Variants in TBC1D15 observed in about 807,000 individuals in gnomAD.
The protein encoded by TBC1D15 is TBC1 domain family member 15, also known as GAP for RAB7.
In TBC1D15, 39 loss-of-function variants were observed where a neutral mutation model predicts 95.4. That is an observed-to-expected ratio of 0.41 (90% CI 0.32 to 0.53). The LOEUF is 0.53. Among genes scored for constraint, TBC1D15 ranks in the 20% least tolerant of loss-of-function variants. The pLI, the probability that TBC1D15 is intolerant of heterozygous loss-of-function variation, is 0.29. For missense variants in TBC1D15, 733 were observed against 794.3 expected, an observed-to-expected ratio of 0.92 and a Z score of 0.93; for synonymous variants, 258 against 261.3, an observed-to-expected ratio of 0.99 and a Z score of 0.12.
In TBC1D15 at chr12:71,859,820, A is replaced by G. The variant is rs1276718423; in HGVS notation, c.31-12250A>G. The stretch of plus-strand genomic sequence containing the variant: ...GAGATGGGGTTTCACCATGTTGGCC[A>G]GGCTGGTCTTGAACTCCCAGCCTCA... On this transcript the variant is annotated intron_variant, in intron 1 of 16. Coordinates refer to ENST00000485960, the MANE Select transcript of TBC1D15 (RefSeq NM_001146213.3). Among the ~76,000 whole-genome samples the G allele has an allele frequency of 3.3e-5, 5 of 152,140 alleles. 1 individual carries two copies. Among genetic ancestry groups the G allele is most frequent in the Admixed American group, 1.3e-4 (2 of 15,266 alleles).
chr12:71,869,248 T>A (rs1474765747), intron 1 of TBC1D15, among the ~76,000 whole-genome samples: 1 of 151,866 alleles, frequency 6.6e-6, no homozygotes, highest in Non-Finnish European at 1.5e-5. Flanking sequence ...CAGGGCTGGG[T>A]GCTGTGGCTC....
intron 1 of TBC1D15, among the ~76,000 whole-genome samples, chr12:71,841,628 A>C (rs1885034832): frequency 6.6e-6 from 1 of 152,180 alleles, no homozygotes; most frequent in South Asian, 2.1e-4. Flanking sequence ...TTTTACCTTA[A>C]GAGGTTTCTT....
chr12:71,884,698 C>A, intron 4 of TBC1D15, 113 bp from the exon 5 acceptor site: 1 of 829,102 alleles, frequency 1.2e-6, no homozygotes, highest in Non-Finnish European at 2.0e-6. Flanking sequence ...AATATAAGTG[C>A]TATACTGATT....
At chr12:71,861,061 G>T (rs1890262665) in intron 1 of TBC1D15, among the ~76,000 whole-genome samples, 1 of 152,130 alleles carries the variant, frequency 6.6e-6, no homozygotes, top group African/African-American at 2.4e-5. Context: ...AATTGTGTTT[G>T]ATCATGGTCA....
intron 1 of TBC1D15, among the ~76,000 whole-genome samples, chr12:71,851,903 G>A: frequency 6.6e-6 from 1 of 152,096 alleles, no homozygotes; most frequent in East Asian, 1.9e-4. Flanking sequence ...TATCATTCTG[G>A]GGCCTGAAGG....
chr12:71,841,573 A>T (rs1339650222), intron 1 of TBC1D15, among the ~76,000 whole-genome samples: 1 of 152,186 alleles, frequency 6.6e-6, no homozygotes, highest in Non-Finnish European at 1.5e-5. Context: ...ACTTGGAGGC[A>T]TTCATTCCTA....
intron 1 of TBC1D15, among the ~76,000 whole-genome samples, chr12:71,866,925 T>C (rs540238335): frequency 5.6e-4 from 85 of 152,318 alleles, no homozygotes; most frequent in African/African-American, 1.9e-3. Flanking sequence ...TATTTGAGAG[T>C]TGTGATTTTT....
At chr12:71,853,946 C>G (rs773917015) in intron 1 of TBC1D15, among the ~76,000 whole-genome samples, 1 of 152,202 alleles carries the variant, frequency 6.6e-6, no homozygotes, top group African/African-American at 2.4e-5. Flanking sequence ...GACAAACATG[C>G]ACTGTTCCAT....
Position 71,916,423 on chromosome 12 carries a change from A to G in TBC1D15, c.1402-1275A>G, listed in dbSNP as rs182559096. ...TCAGAGTTGATTCTGCCCCTTCTCTATAGATCTCTCTGGTAAATGTGGAGG... is the reference window on the plus strand; with the variant it reads ...TCAGAGTTGATTCTGCCCCTTCTCTGTAGATCTCTCTGGTAAATGTGGAGG... On this transcript the variant is annotated intron_variant, in intron 12 of 16. Coordinates refer to ENST00000485960, the MANE Select transcript of TBC1D15 (RefSeq NM_001146213.3). 1.5e-3 allele frequency among the ~76,000 whole-genome samples: 225 copies of G among 152,298 alleles called. 1 individual carries two copies. The highest frequency in any genetic ancestry group is 3.4e-3 in the Middle Eastern group (1 of 294).
chr12:71,918,153 T>C (rs1362288681), intron 13 of TBC1D15, among the ~76,000 whole-genome samples: 1 of 152,180 alleles, frequency 6.6e-6, no homozygotes, highest in African/African-American at 2.4e-5. Flanking sequence ...AGACACTGTC[T>C]CAATAAAAAA....
Position 71,923,119 on chromosome 12 carries a change from C to T in TBC1D15, c.1940C>T (p.Pro647Leu), listed in dbSNP as rs370518259. 4 of 1,614,052 alleles carry T rather than the reference C, an allele frequency of 2.5e-6. No homozygotes were observed. Among genetic ancestry groups the T allele is most frequent in the South Asian group, 1.1e-5 (1 of 91,092 alleles). ...TCTGCATTTCAAAGTAATGCCTTGC[C>T]TACACTCTCTGCCAGTGGAGCCAGA... ...PTSAFQSNAL[P>L]TLSASGARND... The change falls in exon 17 of 17, where the codon CCT (proline) becomes CTT (leucine). Residue 647 changes from proline to leucine, a missense_variant. By Grantham distance (98) the Pro-to-Leu change is moderately conservative. Transcript: ENST00000485960.
In TBC1D15 at chr12:71,884,413, G is replaced by T. The variant is rs544390008; in HGVS notation, c.344-398G>T. 2.6e-5 allele frequency among the ~76,000 whole-genome samples: 4 copies of T among 152,196 alleles called. No individual in the cohort carries two copies. In the South Asian group the frequency reaches 8.3e-4, roughly 32 times the overall value. ...CTTATTAATAGAATTACAATGGGAG[G>T]TAAGTATAATTATCTCCATTTTACA... On this transcript the variant is annotated intron_variant, in intron 4 of 16. Coordinates refer to ENST00000485960, the MANE Select transcript of TBC1D15 (RefSeq NM_001146213.3).
chr12:71,894,261 C>G (rs1330043038), intron 6 of TBC1D15: 3 of 1,370,034 alleles, frequency 2.2e-6, no homozygotes, highest in African/African-American at 2.9e-5. Context: ...ATTTAGCCAT[C>G]AAATATTTTG....
chr12:71,907,049 C>T lies in TBC1D15; in HGVS notation c.1211C>T (p.Thr404Ile). 1 of 1,610,882 alleles carries T rather than the reference C, an allele frequency of 6.2e-7. No individual in the cohort carries two copies. The highest frequency in any genetic ancestry group is 8.5e-7 in the Non-Finnish European group (1 of 1,178,600). Residue 404 changes from threonine (T) to isoleucine (I), a missense_variant, in exon 11 of 17, where the codon ACA (threonine) becomes ATA (isoleucine). Physicochemically the swap from Thr to Ile is moderately conservative, Grantham distance 89 (BLOSUM62 -1). Coordinates refer to ENST00000485960, the MANE Select transcript of TBC1D15 (RefSeq NM_001146213.3). ...IEKDVNRTDR[T>I]NKFYEGQDNP... ...AAAGATGTTAACAGAACAGATCGAA[C>T]AAACAAGTTTTATGAAGGCCAAGAT...
At chr12:71,890,671 G>C (rs1451602536) in intron 5 of TBC1D15, among the ~76,000 whole-genome samples, 1 of 152,154 alleles carries the variant, frequency 6.6e-6, no homozygotes, top group Non-Finnish European at 1.5e-5. Flanking sequence ...CTAGTCATGT[G>C]TAGTTCCTTC....
intron 11 of TBC1D15, among the ~76,000 whole-genome samples, chr12:71,912,772 T>C (rs1902713639): frequency 6.6e-6 from 1 of 152,068 alleles, no homozygotes; most frequent in South Asian, 2.1e-4. Context: ...TTTCCAGACT[T>C]CCCAAGCTAC....
intron 1 of TBC1D15, chr12:71,868,983 AAATAAAT>A (rs1453496767): frequency 6.6e-6 from 1 of 152,184 alleles, no homozygotes; most frequent in Admixed American, 6.5e-5. Flanking sequence ...ATCTTTTTTA[AAATAAAT>A]TTTATTATGT....
intron 5 of TBC1D15, among the ~76,000 whole-genome samples, chr12:71,886,352 TAG>T (rs1033148098): frequency 2.0e-5 from 3 of 152,172 alleles, no homozygotes. Flanking sequence ...TATTTTTTAG[TAG>T]AGACAGAGTT....
intron 3 of TBC1D15, among the ~76,000 whole-genome samples, chr12:71,877,507 CCT>C (rs1223159236): frequency 3.5e-5 from 3 of 86,304 alleles, no homozygotes; most frequent in Non-Finnish European, 6.4e-5. Flanking sequence ...TTCCTTCCTT[CCT>C]TCCTTCCTTC....
Sources: allele counts gnomAD v4.1 joint callset (sites outside exome capture counted in the v4.1 genomes callset), GRCh38; gene constraint gnomAD v4.1.1; transcripts MANE v1.5; gene names NCBI Gene and HGNC (gene_info 2026-07-23, HGNC 2026-07-21).